The following DPP6 variants were observed in gnomAD, a reference collection of about 807,000 sequenced individuals.
DPP6 encodes the protein A-type potassium channel modulatory protein DPP6.
A neutral mutation model predicts 122.6 loss-of-function variants in DPP6; 69 were observed. That is an observed-to-expected ratio of 0.56 (90% CI 0.46 to 0.69). The LOEUF (loss-of-function observed/expected upper bound fraction) is 0.69, where lower values mean the gene tolerates loss of function less well. Among genes scored for constraint, DPP6 ranks in the 30% least tolerant of loss-of-function variants. The pLI, the probability that DPP6 is intolerant of heterozygous loss-of-function variation, is 0.00. For synonymous variants in DPP6, 418 were observed against 433.1 expected (o/e 0.97, Z 0.43); for missense variants, 928 against 1,116.9 (o/e 0.83, Z 2.41).
intron 3 of DPP6, among the ~76,000 whole-genome samples, chr7:154,518,105 C>T (rs577169633): frequency 2.0e-5 from 3 of 152,124 alleles, no homozygotes; most frequent in Non-Finnish European, 4.4e-5. Flanking sequence ...TGTCTTGTAC[C>T]GCAGAAGACC....
intron 1 of DPP6, among the ~76,000 whole-genome samples, chr7:154,259,865 G>C (rs1802883608): frequency 6.6e-6 from 1 of 152,198 alleles, no homozygotes; most frequent in Admixed American, 6.5e-5. Flanking sequence ...TCTACCGTAA[G>C]GAGTGGACAT....
At chr7:154,424,748 C>T (rs1817752701) in intron 1 of DPP6, among the ~76,000 whole-genome samples, 2 of 152,202 alleles carry the variant, frequency 1.3e-5, no homozygotes, top group Non-Finnish European at 2.9e-5. Flanking sequence ...CCATCTGCTG[C>T]AGATTCTAGA....
chr7:153,834,107 C>T, the DPP6 span, among the ~76,000 whole-genome samples: 1 of 152,008 alleles, frequency 6.6e-6, no homozygotes, highest in African/African-American at 2.4e-5. Flanking sequence ...GACAACATGG[C>T]AAAACCCGGT....
At chr7:154,800,013 T>C (rs1798264409) in intron 12 of DPP6, among the ~76,000 whole-genome samples, 1 of 152,202 alleles carries the variant, frequency 6.6e-6, no homozygotes, top group Non-Finnish European at 1.5e-5. Flanking sequence ...AATTATTTAT[T>C]ACATTTATTT....
At chr7:154,746,574 A>G (rs1843047169) in intron 8 of DPP6, among the ~76,000 whole-genome samples, 1 of 152,216 alleles carries the variant, frequency 6.6e-6, no homozygotes, top group Non-Finnish European at 1.5e-5. Context: ...TCATAGAGCA[A>G]TTCTGGCAGC....
intron 6 of DPP6, among the ~76,000 whole-genome samples, chr7:154,647,861 T>C (rs543822904): frequency 1.1e-4 from 16 of 152,074 alleles, no homozygotes; most frequent in Non-Finnish European, 1.9e-4. Context: ...ACTCTTCCTG[T>C]TTACAGATGT....
At chr7:154,855,403 GAGA>G (rs1182706600) in intron 17 of DPP6, among the ~76,000 whole-genome samples, 6 of 152,234 alleles carry the variant, frequency 3.9e-5, no homozygotes, top group African/African-American at 1.4e-4. Flanking sequence ...ACCCCGTGCT[GAGA>G]AGAAGCGGGA....
chr7:153,945,116 C>T (rs1487214591), intron 1 of DPP6, among the ~76,000 whole-genome samples: 1 of 152,180 alleles, frequency 6.6e-6, no homozygotes, highest in Non-Finnish European at 1.5e-5. Context: ...CTTGCGTACA[C>T]TCATGTTGTA....
chr7:153,812,971 G>T, the DPP6 span, among the ~76,000 whole-genome samples: 9 of 152,086 alleles, frequency 5.9e-5, no homozygotes. Context: ...GGGTCATTGA[G>T]GGTATAAAAC....
chr7:154,047,576 C>T (rs1436141033), upstream of DPP6, among the ~76,000 whole-genome samples: 3 of 149,712 alleles, frequency 2.0e-5, no homozygotes, highest in African/African-American at 5.1e-5. Flanking sequence ...CCTTGGGAAG[C>T]ACTGTGGAAA....
chr7:153,760,927 C>T, the DPP6 span, among the ~76,000 whole-genome samples: 2 of 152,130 alleles, frequency 1.3e-5, no homozygotes, highest in African/African-American at 4.8e-5. Flanking sequence ...GTTGCTTGCT[C>T]CTCTTTCAGA....
chr7:153,996,658 T>G (rs1301207719), intron 1 of DPP6, among the ~76,000 whole-genome samples: 1 of 151,996 alleles, frequency 6.6e-6, no homozygotes, highest in African/African-American at 2.4e-5. Flanking sequence ...CATTTACCTT[T>G]GCAGCCCTCT....
intron 16 of DPP6, among the ~76,000 whole-genome samples, chr7:154,825,376 G>C (rs1274326375): frequency 6.6e-6 from 1 of 152,196 alleles, no homozygotes. Flanking sequence ...CAACAGAGTT[G>C]AGTAAGACAG....
At chr7:154,374,411 T>G (rs576576661) in intron 1 of DPP6, among the ~76,000 whole-genome samples, 7 of 152,234 alleles carry the variant, frequency 4.6e-5, no homozygotes, top group Admixed American at 2.0e-4. Context: ...GGAAAAGGTG[T>G]GTTTTTCAGG....
At chr7:154,251,411 G>A (rs767620238) in intron 1 of DPP6, among the ~76,000 whole-genome samples, 1 of 152,196 alleles carries the variant, frequency 6.6e-6, no homozygotes, top group South Asian at 2.1e-4. Flanking sequence ...GGCTGTGCAG[G>A]TCTCCTAGGG....
At chr7:153,749,400 C>A in the DPP6 span, among the ~76,000 whole-genome samples, 1 of 152,114 alleles carries the variant, frequency 6.6e-6, no homozygotes, top group Non-Finnish European at 1.5e-5. The surrounding 1 kb of genome is among the most constrained non-coding windows in gnomAD (Gnocchi z 4.1). Flanking sequence ...CCCCCCTGGG[C>A]CAGAGCTTGC....
intron 1 of DPP6, among the ~76,000 whole-genome samples, chr7:154,406,738 A>G (rs1299122766): frequency 6.6e-6 from 1 of 152,206 alleles, no homozygotes; most frequent in African/African-American, 2.4e-5. Flanking sequence ...TTCCAGACTG[A>G]GTCAAAAACC....
intron 1 of DPP6, among the ~76,000 whole-genome samples, chr7:154,424,556 A>C (rs1003915659): frequency 1.3e-5 from 2 of 152,074 alleles, no homozygotes; most frequent in Admixed American, 6.6e-5. Context: ...TTCCACATTT[A>C]AGTACCCTTA....
At chr7:154,435,068 C>T (rs544364151) in intron 1 of DPP6, among the ~76,000 whole-genome samples, 1 of 152,270 alleles carries the variant, frequency 6.6e-6, no homozygotes, top group East Asian at 1.9e-4. Context: ...AACTCCTGAC[C>T]TCAGGTGATC....
Sources: allele counts gnomAD v4.1 joint callset (sites outside exome capture counted in the v4.1 genomes callset), GRCh38; gene constraint gnomAD v4.1.1; non-coding constraint Gnocchi (gnomAD v3.1); transcripts MANE v1.5; gene names NCBI Gene and HGNC (gene_info 2026-07-23, HGNC 2026-07-21).